TENM3: variants seen among roughly 807,000 people sequenced by gnomAD.
TENM3 encodes the protein teneurin-3.
A neutral mutation model predicts 255.1 loss-of-function variants in TENM3; 63 were observed. That is an observed-to-expected ratio of 0.25 (90% CI 0.20 to 0.30). The LOEUF is 0.30. TENM3 is among the 10% of genes least tolerant of loss of function. The pLI is 1.00. For synonymous variants in TENM3, 1,306 were observed against 1,322.3 expected (o/e 0.99, Z 0.27); for missense variants, 2,929 against 3,461.1 (o/e 0.85, Z 3.86).
At chr4:181,458,035 G>T in the TENM3 span, among the ~76,000 whole-genome samples, 1 of 151,952 alleles carries the variant, frequency 6.6e-6, no homozygotes, top group Middle Eastern at 3.4e-3. Flanking sequence ...AATTTTAAAA[G>T]AACTAGTGGA....
the TENM3 span, among the ~76,000 whole-genome samples, chr4:181,505,408 A>T: frequency 1.3e-5 from 2 of 152,232 alleles, no homozygotes; most frequent in African/African-American, 2.4e-5. Context: ...CTACAAATGC[A>T]CAAGGATGGA....
At chr4:182,164,294 C>T (rs372270410) in intron 1 of TENM3, among the ~76,000 whole-genome samples, 1 of 152,206 alleles carries the variant, frequency 6.6e-6, no homozygotes, top group Non-Finnish European at 1.5e-5. Flanking sequence ...AGGAAAGGAA[C>T]TGTCCATCAA....
At chr4:182,161,402 C>A (rs567534066) in intron 1 of TENM3, among the ~76,000 whole-genome samples, 2,222 of 79,574 alleles carry the variant, frequency 0.028, 102 homozygotes, top group Non-Finnish European at 0.038. Context: ...GGCGACAGAG[C>A]GAGACTCCGT....
At chr4:181,781,217 T>C in the TENM3 span, among the ~76,000 whole-genome samples, 2 of 152,190 alleles carry the variant, frequency 1.3e-5, no homozygotes, top group African/African-American at 2.4e-5. Context: ...TTGGGCAGTA[T>C]GGCCATTTTC....
chr4:181,656,863 T>C, the TENM3 span, among the ~76,000 whole-genome samples: 2 of 152,210 alleles, frequency 1.3e-5, no homozygotes, highest in Non-Finnish European at 2.9e-5. Flanking sequence ...CTAAAATAGA[T>C]TTGAGCTTAG....
chr4:181,634,587 C>T, the TENM3 span, among the ~76,000 whole-genome samples: 2 of 152,066 alleles, frequency 1.3e-5, no homozygotes, highest in Admixed American at 6.6e-5. Context: ...ACTAAGGATA[C>T]ATATATTTTA....
chr4:182,736,990 T>TGCCTCACCAAACTTG lies in TENM3; in HGVS notation c.3155_3169dup (p.Ser1052_Ala1056dup), dbSNP rs772512628. On this transcript the variant is annotated inframe_insertion, in exon 17 of 28. Transcript: ENST00000511685. ...GAAGACTCTTCCAAAAGTGGTTTCC[T>TGCCTCACCAAACTTG]GCCTCACCAAACTTGGCCTATACTT... The TGCCTCACCAAACTTG allele has an allele frequency of 6.2e-7, 1 of 1,613,914 alleles. No homozygotes were observed. Among genetic ancestry groups the TGCCTCACCAAACTTG allele is most frequent in the East Asian group, 2.2e-5 (1 of 44,866 alleles).
chr4:182,113,034 G>A, the TENM3 span, among the ~76,000 whole-genome samples: 1 of 152,088 alleles, frequency 6.6e-6, no homozygotes, highest in Non-Finnish European at 1.5e-5. Flanking sequence ...AATGTATCAA[G>A]ACATTCACAC....
chr4:182,498,382 G>A (rs1214525475), intron 3 of TENM3, among the ~76,000 whole-genome samples: 1 of 152,100 alleles, frequency 6.6e-6, no homozygotes, highest in Non-Finnish European at 1.5e-5. Context: ...AGAAATTTGT[G>A]TACATTGTGG....
intron 3 of TENM3, among the ~76,000 whole-genome samples, chr4:182,501,057 T>TTATG (rs1253984326): frequency 6.6e-6 from 1 of 152,144 alleles, no homozygotes; most frequent in Admixed American, 6.5e-5. Context: ...TGAGCATGTC[T>TTATG]TATGTATGTA....
the TENM3 span, among the ~76,000 whole-genome samples, chr4:181,879,561 A>T: frequency 6.6e-6 from 1 of 152,214 alleles, no homozygotes; most frequent in Non-Finnish European, 1.5e-5. Context: ...ATCTCTTCTC[A>T]TGGGAAAGTG....
At chr4:181,764,774 T>C in the TENM3 span, among the ~76,000 whole-genome samples, 23 of 152,294 alleles carry the variant, frequency 1.5e-4, no homozygotes, top group East Asian at 1.9e-4. Flanking sequence ...CACTGCAACC[T>C]TCACGTCCCA....
chr4:182,469,261 C>T (rs192471586), intron 3 of TENM3, among the ~76,000 whole-genome samples: 1 of 152,016 alleles, frequency 6.6e-6, no homozygotes, highest in Non-Finnish European at 1.5e-5. Flanking sequence ...ATCATATGCC[C>T]CAATTTCATA....
At chr4:182,361,340 G>A (rs564399466) in intron 3 of TENM3, among the ~76,000 whole-genome samples, 111 of 152,220 alleles carry the variant, frequency 7.3e-4, no homozygotes, top group South Asian at 2.5e-3. Flanking sequence ...CATTCTCCCC[G>A]TCACTTTCAG....
chr4:182,736,855 C>T lies in TENM3; in HGVS notation c.3015C>T (p.Ser1005=). ...TTIPGTDLKL[S]YLSSRAAGYK... is the part of the protein sequence containing the mutation. ...TTCCAGGAACAGATTTGAAACTCTC[C>T]TACTTGAGTTCCAGAGCTGCAGGGT... Residue 1005 remains serine, a synonymous_variant, in exon 17 of 28, where the codon TCC becomes TCT. Transcript: ENST00000511685. 1 of 1,613,688 alleles carries T rather than the reference C, an allele frequency of 6.2e-7. No individual in the cohort carries two copies.
At chr4:182,529,365 G>T (rs947136211) in intron 3 of TENM3, among the ~76,000 whole-genome samples, 1 of 152,142 alleles carries the variant, frequency 6.6e-6, no homozygotes, top group Admixed American at 6.6e-5. Flanking sequence ...AGTATAAAAA[G>T]TGTTCAACAT....
intron 1 of TENM3, among the ~76,000 whole-genome samples, chr4:182,204,768 T>G (rs761475501): frequency 2.2e-4 from 34 of 152,300 alleles, no homozygotes; most frequent in Middle Eastern, 3.4e-3. Flanking sequence ...TGAAAAACAA[T>G]GAAATGCAAA....
At chr4:181,824,187 C>T in the TENM3 span, among the ~76,000 whole-genome samples, 1 of 152,062 alleles carries the variant, frequency 6.6e-6, no homozygotes, top group Non-Finnish European at 1.5e-5. Flanking sequence ...CTGCAGCCTC[C>T]ACCTCTTGGG....
intron 4 of TENM3, among the ~76,000 whole-genome samples, chr4:182,623,484 TTTG>T (rs1750497635): frequency 2.1e-4 from 3 of 14,266 alleles, no homozygotes; most frequent in African/African-American, 8.4e-4. Context: ...TTGTATTTTG[TTTG>T]TTTGTTTGTT....
Sources: allele counts gnomAD v4.1 joint callset (sites outside exome capture counted in the v4.1 genomes callset), GRCh38; gene constraint gnomAD v4.1.1; transcripts MANE v1.5; gene names NCBI Gene and HGNC (gene_info 2026-07-23, HGNC 2026-07-21).